CACNA2D1: variants seen among roughly 807,000 people sequenced by gnomAD.
CACNA2D1 encodes the protein calcium voltage-gated channel auxiliary subunit alpha2delta 1.
Under a neutral mutation model 171.5 loss-of-function variants are expected in CACNA2D1, and 53 were observed. The ratio of observed to expected loss-of-function variants is 0.31; its 90% confidence interval spans 0.25 to 0.39. The LOEUF (loss-of-function observed/expected upper bound fraction) is 0.39, where lower values mean the gene tolerates loss of function less well. Among genes scored for constraint, CACNA2D1 ranks in the 10% least tolerant of loss-of-function variants. The probability of loss-of-function intolerance (pLI) is 1.00; values close to 1 mark genes in which losing one functional copy is unlikely to be tolerated. For missense variants in CACNA2D1, 903 were observed against 1,299.8 expected (o/e 0.69, Z 4.69); for synonymous variants, 442 against 443.1 (o/e 1.00, Z 0.03).
chr7:82,225,570 G>A (rs1802271347), intron 3 of CACNA2D1, among the ~76,000 whole-genome samples: 1 of 152,076 alleles, frequency 6.6e-6, no homozygotes, highest in Admixed American at 6.6e-5. Context: ...TTTAGAAAAA[G>A]CCTATTCAAT....
chr7:82,332,518 G>GAA (rs1169667327), intron 3 of CACNA2D1, among the ~76,000 whole-genome samples: 247 of 83,636 alleles, frequency 3.0e-3, no homozygotes, highest in African/African-American at 9.8e-3. Context: ...TATAAAGAAA[G>GAA]AAAGAAAGAA....
chr7:82,301,789 A>AG (rs1360480423), intron 3 of CACNA2D1, among the ~76,000 whole-genome samples: 1 of 149,960 alleles, frequency 6.7e-6, no homozygotes, highest in Admixed American at 6.6e-5. Flanking sequence ...AGAGAGAGAC[A>AG]GAGGCTCTCC....
chr7:81,975,946 C>T (rs1795794672), intron 24 of CACNA2D1, among the ~76,000 whole-genome samples: 1 of 151,726 alleles, frequency 6.6e-6, no homozygotes, highest in Non-Finnish European at 1.5e-5. Flanking sequence ...CTATCCAAAT[C>T]TGAATAACCA....
At chr7:82,183,710 T>C (rs1383983073) in intron 3 of CACNA2D1, among the ~76,000 whole-genome samples, 1 of 152,162 alleles carries the variant, frequency 6.6e-6, no homozygotes, top group African/African-American at 2.4e-5. Context: ...CTATTATGAA[T>C]GAAGAAGGAG....
chr7:82,237,402 C>A (rs1004335180), intron 3 of CACNA2D1, among the ~76,000 whole-genome samples: 2 of 151,898 alleles, frequency 1.3e-5, no homozygotes, highest in African/African-American at 4.8e-5. Context: ...CAGACACACA[C>A]ACAGATATAT....
At chr7:82,428,510 G>A (rs1308047273) in intron 1 of CACNA2D1, among the ~76,000 whole-genome samples, 1 of 152,134 alleles carries the variant, frequency 6.6e-6, no homozygotes, top group Non-Finnish European at 1.5e-5. Flanking sequence ...AAAAGCATAA[G>A]AGAAAACAGT....
chr7:81,968,205 G>A (rs1282553467), intron 29 of CACNA2D1, among the ~76,000 whole-genome samples: 1 of 151,376 alleles, frequency 6.6e-6, no homozygotes, highest in East Asian at 1.9e-4. Flanking sequence ...GGGTAAAGCT[G>A]TCCTCAGGAG....
At chr7:82,264,523 A>G (rs879486914) in intron 3 of CACNA2D1, among the ~76,000 whole-genome samples, 4 of 152,240 alleles carry the variant, frequency 2.6e-5, no homozygotes, top group Non-Finnish European at 5.9e-5. Context: ...AAAGCAGCTT[A>G]GTGTCAGCTC....
At chr7:82,368,403 G>A (rs992104823) in intron 1 of CACNA2D1, among the ~76,000 whole-genome samples, 3 of 152,186 alleles carry the variant, frequency 2.0e-5, no homozygotes, top group African/African-American at 4.8e-5. Context: ...TAAGTTCTGT[G>A]AAGCAGGAAA....
chr7:82,136,708 T>A, intron 4 of CACNA2D1, 32 bp from the exon 5 acceptor site: 1 of 1,442,586 alleles, frequency 6.9e-7, no homozygotes, highest in South Asian at 1.2e-5. Flanking sequence ...TTATTGATTT[T>A]AATAAAAACA....
chr7:82,439,606 A>T (rs1282454275), intron 1 of CACNA2D1, among the ~76,000 whole-genome samples: 1 of 151,510 alleles, frequency 6.6e-6, no homozygotes, highest in Non-Finnish European at 1.5e-5. Context: ...CATTTTTTTC[A>T]AAAATTATAT....
chr7:82,090,520 T>A (rs1431116614), intron 6 of CACNA2D1, among the ~76,000 whole-genome samples: 1 of 152,172 alleles, frequency 6.6e-6, no homozygotes, highest in South Asian at 2.1e-4. Context: ...AGATAAAAAT[T>A]AGCATGTTAT....
At chr7:81,995,988 C>T (rs1382282661) in intron 19 of CACNA2D1, among the ~76,000 whole-genome samples, 1 of 152,056 alleles carries the variant, frequency 6.6e-6, no homozygotes, top group East Asian at 1.9e-4. Context: ...ATTTGAAGAA[C>T]ACGAATGTTT....
intron 11 of CACNA2D1, among the ~76,000 whole-genome samples, chr7:82,035,180 C>A (rs1241119803): frequency 1.3e-5 from 2 of 151,946 alleles, no homozygotes; most frequent in Non-Finnish European, 2.9e-5. Flanking sequence ...ATCATATATA[C>A]ACTCTATATA....
intron 3 of CACNA2D1, among the ~76,000 whole-genome samples, chr7:82,246,845 A>T (rs1040810258): frequency 1.3e-5 from 2 of 152,158 alleles, no homozygotes; most frequent in African/African-American, 2.4e-5. Context: ...TTCTGTCAGT[A>T]TTGTATATCA....
At chr7:82,393,341 G>T (rs567512753) in intron 1 of CACNA2D1, among the ~76,000 whole-genome samples, 3 of 152,132 alleles carry the variant, frequency 2.0e-5, no homozygotes, top group Non-Finnish European at 1.5e-5. Flanking sequence ...GCTCTTGAAC[G>T]TAATGAATAT....
chr7:82,227,598 A>G (rs903985320), intron 3 of CACNA2D1, among the ~76,000 whole-genome samples: 5 of 152,180 alleles, frequency 3.3e-5, no homozygotes, highest in African/African-American at 1.2e-4. Flanking sequence ...ACATAGCTTA[A>G]TAATTGCTTG....
intron 10 of CACNA2D1, among the ~76,000 whole-genome samples, chr7:82,040,485 G>GA (rs111654140): frequency 0.23 from 32,205 of 139,038 alleles, 3,871 homozygotes; most frequent in Middle Eastern, 0.43. Context: ...AAGGCTTCAG[G>GA]AAAAAAAAAT....
intron 4 of CACNA2D1, among the ~76,000 whole-genome samples, chr7:82,162,380 G>A (rs887235745): frequency 6.6e-6 from 1 of 151,894 alleles, no homozygotes; most frequent in Admixed American, 6.6e-5. Flanking sequence ...ATTAACGAAA[G>A]AGAAGATAGC....
Sources: allele counts gnomAD v4.1 joint callset (sites outside exome capture counted in the v4.1 genomes callset), GRCh38; gene constraint gnomAD v4.1.1; transcripts MANE v1.5; gene names NCBI Gene and HGNC (gene_info 2026-07-23, HGNC 2026-07-21).